The following ST18 variants were observed in gnomAD, a reference collection of about 807,000 sequenced individuals.
ST18 encodes ST18 C2H2C-type zinc finger transcription factor.
ST18 carries 50 observed loss-of-function variants against 110.0 expected under a neutral mutation model. The observed-to-expected ratio is 0.45, with a 90% CI of 0.36 to 0.58. The LOEUF is 0.58. ST18 is among the 20% of genes least tolerant of loss of function. The probability of loss-of-function intolerance (pLI) is 0.00; values close to 1 mark genes in which losing one functional copy is unlikely to be tolerated. For synonymous variants in ST18, 461 were observed against 452.4 expected (o/e 1.02, Z -0.24); for missense variants, 1,306 against 1,280.1 (o/e 1.02, Z -0.31).
intron 17 of ST18, among the ~76,000 whole-genome samples, chr8:52,142,460 G>A (rs1256767844): frequency 6.6e-6 from 1 of 152,094 alleles, no homozygotes; most frequent in Non-Finnish European, 1.5e-5. Flanking sequence ...CTTACACATG[G>A]GAAACAGTTT....
At chr8:52,301,574 A>G (rs1027454838) in intron 2 of ST18, among the ~76,000 whole-genome samples, 1 of 152,260 alleles carries the variant, frequency 6.6e-6, no homozygotes, top group Non-Finnish European at 1.5e-5. Flanking sequence ...GATATATAAA[A>G]AAGTGTATCT....
chr8:52,333,970 T>C (rs541908206), intron 2 of ST18, among the ~76,000 whole-genome samples: 59 of 152,312 alleles, frequency 3.9e-4, no homozygotes, highest in African/African-American at 1.2e-3. Flanking sequence ...GTCAGCCCTA[T>C]CCCAGGAGAG....
At chr8:52,142,871 T>C in intron 17 of ST18, 59 bp downstream of exon 17, 1 of 1,257,944 alleles carries the variant, frequency 7.9e-7, no homozygotes, top group Non-Finnish European at 1.2e-6. Flanking sequence ...TAACTTTAAG[T>C]CATGAACTTG....
chr8:52,343,749 A>C (rs1816330861), intron 2 of ST18, among the ~76,000 whole-genome samples: 1 of 152,236 alleles, frequency 6.6e-6, no homozygotes, highest in Admixed American at 6.5e-5. Context: ...GGATTACCTT[A>C]TTTAATTACA....
intron 2 of ST18, among the ~76,000 whole-genome samples, chr8:52,371,603 T>C (rs1830285602): frequency 6.6e-6 from 1 of 152,196 alleles, no homozygotes; most frequent in South Asian, 2.1e-4. Context: ...CATACTGAAC[T>C]GAAGTGTGTT....
At chr8:52,384,587 G>A (rs981863429) in intron 2 of ST18, among the ~76,000 whole-genome samples, 5 of 151,982 alleles carry the variant, frequency 3.3e-5, no homozygotes, top group African/African-American at 1.2e-4. Flanking sequence ...CTCTTTCATT[G>A]CTACACACCT....
At chr8:52,131,220 C>T (rs183561142) in intron 22 of ST18, among the ~76,000 whole-genome samples, 1 of 152,322 alleles carries the variant, frequency 6.6e-6, no homozygotes, top group African/African-American at 2.4e-5. Context: ...CCTAAAGCTT[C>T]ATTGGATTTT....
At chr8:52,237,633 ATAT>A (rs760005607) in intron 2 of ST18, among the ~76,000 whole-genome samples, 27 of 152,226 alleles carry the variant, frequency 1.8e-4, no homozygotes, top group Non-Finnish European at 3.5e-4. Context: ...GATAACACAG[ATAT>A]TATATTTCAG....
intron 2 of ST18, among the ~76,000 whole-genome samples, chr8:52,285,936 G>A (rs1168483730): frequency 6.6e-6 from 1 of 152,168 alleles, no homozygotes; most frequent in African/African-American, 2.4e-5. Flanking sequence ...AAACCATGTG[G>A]TCAAGCTTCT....
intron 6 of ST18, among the ~76,000 whole-genome samples, chr8:52,214,935 G>C (rs2083574838): frequency 6.6e-6 from 1 of 152,128 alleles, no homozygotes; most frequent in Non-Finnish European, 1.5e-5. Flanking sequence ...TTATCAAAGG[G>C]ATGCAAAGAC....
In ST18 at chr8:52,348,538, A is replaced by C. The variant is rs151008370; in HGVS notation, c.-465+60790T>G. Among the ~76,000 whole-genome samples, 36 of 152,336 alleles carry C rather than the reference A, an allele frequency of 2.4e-4. No individual in the cohort carries two copies. In the East Asian group the frequency reaches 2.9e-3, roughly 12 times the overall value. On this transcript the variant is annotated intron_variant, in intron 2 of 25. Coordinates refer to ENST00000689386, the MANE Select transcript of ST18 (RefSeq NM_001352837.2). ...GAAGCCGAGGCGGGCATATCACCTG[A>C]GTTCGAGACCAGCCTGGCCAACATG... is the stretch of plus-strand genomic sequence containing the variant.
chr8:52,203,453 A>G (rs907193604), intron 8 of ST18, among the ~76,000 whole-genome samples: 6 of 152,136 alleles, frequency 3.9e-5, no homozygotes, highest in Non-Finnish European at 7.3e-5. Context: ...TTGAGAATTT[A>G]CCATTGTGAG....
intron 13 of ST18, among the ~76,000 whole-genome samples, chr8:52,162,733 A>G (rs1227186078): frequency 6.6e-6 from 1 of 152,224 alleles, no homozygotes; most frequent in East Asian, 1.9e-4. Flanking sequence ...AGCCAAATAA[A>G]ACACAAATGA....
chr8:52,284,375 C>T (rs753581941), intron 2 of ST18, among the ~76,000 whole-genome samples: 1 of 152,176 alleles, frequency 6.6e-6, no homozygotes, highest in Non-Finnish European at 1.5e-5. Flanking sequence ...TCTGACACAG[C>T]TTCTATGTGG....
intron 2 of ST18, among the ~76,000 whole-genome samples, chr8:52,333,613 G>A (rs1419956780): frequency 6.6e-6 from 1 of 152,210 alleles, no homozygotes; most frequent in Non-Finnish European, 1.5e-5. Context: ...CGAAGCCAGG[G>A]AAGAGATAAA....
intron 10 of ST18, among the ~76,000 whole-genome samples, chr8:52,170,327 G>C (rs2064397920): frequency 6.6e-6 from 1 of 152,126 alleles, no homozygotes; most frequent in Non-Finnish European, 1.5e-5. Context: ...GTGGTGGTGA[G>C]CACCTGTAAT....
chr8:52,255,410 G>T (rs879928192), intron 2 of ST18, among the ~76,000 whole-genome samples: 1 of 152,124 alleles, frequency 6.6e-6, no homozygotes, highest in African/African-American at 2.4e-5. Flanking sequence ...GCCCTTTTAC[G>T]TCTTAAAGGA....
chr8:52,155,410 T>G (rs78047033), intron 15 of ST18, among the ~76,000 whole-genome samples: 1 of 152,114 alleles, frequency 6.6e-6, no homozygotes, highest in African/African-American at 2.4e-5. Context: ...AATAAATAAT[T>G]CCTTTGAAAA....
chr8:52,266,871 G>T (rs1458348405), intron 2 of ST18, among the ~76,000 whole-genome samples: 1 of 152,128 alleles, frequency 6.6e-6, no homozygotes, highest in African/African-American at 2.4e-5. Context: ...GGTGGCTTGG[G>T]ATTAGAGGGG....
Sources: gnomAD v4.1 joint callset for allele counts (sites outside exome capture counted in the v4.1 genomes callset) on GRCh38, gnomAD v4.1.1 for gene constraint, MANE v1.5 for transcripts, NCBI Gene and HGNC (gene_info 2026-07-23, HGNC 2026-07-21) for gene names.